Variants in IL21 observed in about 807,000 individuals in gnomAD.
IL21 encodes interleukin-21.
A neutral mutation model predicts 18.4 loss-of-function variants in IL21; 3 were observed. The observed-to-expected ratio is 0.16, with a 90% CI of 0.07 to 0.42. The LOEUF (loss-of-function observed/expected upper bound fraction) is 0.42, where lower values mean the gene tolerates loss of function less well. IL21 is among the 10% of genes least tolerant of loss of function. The probability of loss-of-function intolerance (pLI) is 0.99; values close to 1 mark genes in which losing one functional copy is unlikely to be tolerated. For synonymous variants in IL21, 37 were observed against 62.0 expected, an observed-to-expected ratio of 0.60 and a Z score of 1.90; for missense variants, 130 against 188.4, an observed-to-expected ratio of 0.69 and a Z score of 1.81.
chr4:122,618,956 G>A (rs1312522912), intron 2 of IL21: 1 of 151,522 alleles, frequency 6.6e-6, no homozygotes, highest in Non-Finnish European at 1.5e-5. Context: ...AGAATGTTTA[G>A]TACCTGGCTT....
At position 122,612,895 on chromosome 4, in the gene IL21, G is replaced by T. The variant is rs1578434817; in HGVS notation, c.394C>A (p.Pro132Thr). 1.9e-6 allele frequency: 3 copies of T among 1,611,036 alleles called. No homozygotes were observed. The highest frequency in any genetic ancestry group is 1.7e-6 in the Non-Finnish European group (2 of 1,178,162). The stretch of plus-strand genomic sequence containing the variant: ...AATCTTTCTAGGAATTCTTTGGGTG[G>T]TTTTTTCTCATAAGAATCACATGAA... ...CPSCDSYEKKPPKEFLERFKS... is the reference protein window; with the variant it reads ...CPSCDSYEKKTPKEFLERFKS... The change falls in exon 4 of 5, where the codon CCA becomes ACA. Residue 132 changes from proline (P) to threonine (T), a missense_variant. Pro to Thr is a conservative substitution (Grantham distance 38). Transcript: ENST00000648588.
intron 3 of IL21, among the ~76,000 whole-genome samples, chr4:122,614,049 A>G (rs1799302116): frequency 6.6e-6 from 1 of 152,188 alleles, no homozygotes; most frequent in African/African-American, 2.4e-5. Flanking sequence ...TAGCATCTCA[A>G]TGCCAGTGTG....
chr4:122,615,947 G>T, intron 2 of IL21, 110 bp from the exon 3 acceptor site: 1 of 878,242 alleles, frequency 1.1e-6, no homozygotes, highest in Non-Finnish European at 1.7e-6. Flanking sequence ...GCATTACATC[G>T]TTTCAACAGA....
intron 2 of IL21, chr4:122,620,086 A>C (rs1423412193): frequency 1.3e-5 from 2 of 152,258 alleles, no homozygotes; most frequent in Non-Finnish European, 2.9e-5. Context: ...TAAATGGCTT[A>C]AGAGACGGGA....
At chr4:122,615,213 C>A (rs868615524) in intron 3 of IL21, among the ~76,000 whole-genome samples, 1 of 152,014 alleles carries the variant, frequency 6.6e-6, no homozygotes, top group Admixed American at 6.6e-5. Context: ...AAAGAGTGAC[C>A]CTACTTCTTA....
At position 122,612,293 on chromosome 4, in the gene IL21, G is replaced by A. The variant is rs1288925077; in HGVS notation, c.*417C>T. Among the ~76,000 whole-genome samples, 1 of 151,708 alleles carries A rather than the reference G, an allele frequency of 6.6e-6. No individual in the cohort carries two copies. The highest frequency in any genetic ancestry group is 2.4e-5 in the African/African-American group (1 of 41,288). ...AATAAAGATGTCAACTTTTCATTTT[G>A]CTTTTATATATTTTGCTTCTATGCT... On this transcript the variant is annotated 3_prime_UTR_variant, in exon 5 of 5. Transcript: ENST00000648588.
chr4:122,612,973 C>A, intron 3 of IL21, 45 bp from the exon 4 acceptor site: 2 of 1,266,012 alleles, frequency 1.6e-6, no homozygotes, highest in Non-Finnish European at 2.2e-6. Context: ...AAATTTTTTT[C>A]GTAATAAAAT....
rs1231991877 is a variant in IL21, at chr4:122,611,097, A to G, written c.*1613T>C. 1.3e-5 allele frequency among the ~76,000 whole-genome samples: 2 copies of G among 152,220 alleles called. No homozygotes were observed. Among genetic ancestry groups the G allele is most frequent in the African/African-American group, 4.8e-5 (2 of 41,468 alleles). On this transcript the variant is annotated 3_prime_UTR_variant, in exon 5 of 5. Transcript: ENST00000648588. ...AGCTATACATTCAGAAACAAGAAAT[A>G]CAGATTCCATCTTTCTCACTATCTT...
At position 122,612,544 on chromosome 4, in the gene IL21, C is replaced by T. The variant is rs1389688583; in HGVS notation, c.*166G>A. 1 of 453,674 alleles carries T rather than the reference C, an allele frequency of 2.2e-6. No homozygotes were observed. The highest frequency in any genetic ancestry group is 3.9e-6 in the Non-Finnish European group (1 of 258,556). 28.1% of individuals were successfully genotyped at this position (453,674 alleles called of 1,614,324 possible). A position where few individuals can be genotyped will look rare whatever the true frequency, so the allele number is the denominator to read the frequency against. ...CATAGAAATCAATAACATAGGAAAT[C>T]AGACTATTGTATAGTGATTATGGGG... On this transcript the variant is annotated 3_prime_UTR_variant, in exon 5 of 5. Coordinates refer to ENST00000648588, the MANE Select transcript of IL21 (RefSeq NM_021803.4).
rs1446030653 is a variant in IL21, at chr4:122,620,701, C to T, written c.204G>A (p.Glu68=). The change falls in exon 2 of 5, where the codon GAG becomes GAA. Residue 68 remains glutamate (E), a splice_region_variant and synonymous_variant. Transcript: ENST00000648588. ...PEFLPAPEDV[E]TNCEWSAFSC... ...CAGAAATAAATTCAACTGGTCTTAC[C>T]TCTACATCTTCTGGAGCTGGCAGAA... 2.5e-6 allele frequency: 4 copies of T among 1,612,566 alleles called. No individual in the cohort carries two copies. The highest frequency in any genetic ancestry group is 1.3e-5 in the African/African-American group (1 of 74,814).
At chr4:122,618,211 C>A (rs1799366747) in intron 2 of IL21, among the ~76,000 whole-genome samples, 1 of 151,798 alleles carries the variant, frequency 6.6e-6, no homozygotes. Flanking sequence ...TCAAGTGCTG[C>A]TTTTGCCAGG....
At chr4:122,615,632 A>C (rs1161860465) in intron 3 of IL21, 50 bp downstream of exon 3, 4 of 1,538,832 alleles carry the variant, frequency 2.6e-6, no homozygotes, top group Non-Finnish European at 3.6e-6. Context: ...GTAATGCAAG[A>C]TATATAGTTT....
chr4:122,617,271 TC>T (rs1409238191), intron 2 of IL21, among the ~76,000 whole-genome samples: 1 of 152,252 alleles, frequency 6.6e-6, no homozygotes, highest in Non-Finnish European at 1.5e-5. Flanking sequence ...CACTTTTTTT[TC>T]CTTGAAAACC....
At chr4:122,619,174 C>T (rs1404278795) in intron 2 of IL21, 1 of 152,168 alleles carries the variant, frequency 6.6e-6, no homozygotes, top group African/African-American at 2.4e-5. Flanking sequence ...TATATGCATG[C>T]AACATTAGAT....
chr4:122,618,194 G>T (rs1254663522), intron 2 of IL21, among the ~76,000 whole-genome samples: 5 of 151,922 alleles, frequency 3.3e-5, no homozygotes, highest in Non-Finnish European at 7.4e-5. Context: ...TTCAGCTGAA[G>T]AACAAGTCAA....
At chr4:122,617,735 G>A (rs2150687686) in intron 2 of IL21, among the ~76,000 whole-genome samples, 1 of 152,318 alleles carries the variant, frequency 6.6e-6, no homozygotes, top group Middle Eastern at 3.4e-3. Flanking sequence ...TCTGTTAACA[G>A]ACAATGGGGT....
rs553714168 is a variant in IL21, at chr4:122,616,144, G to T, written c.205-307C>A. Among the ~76,000 whole-genome samples the T allele has an allele frequency of 2.6e-5, 4 of 152,342 alleles. No individual in the cohort carries two copies. In the East Asian group the frequency reaches 7.7e-4, roughly 29 times the overall value. On this transcript the variant is annotated intron_variant, in intron 2 of 4. Coordinates refer to ENST00000648588, the MANE Select transcript of IL21 (RefSeq NM_021803.4). ...CTTTGTGTTTTATAAAGGAGAGTTAGTTCGGTTTAGGACACATTTGCTGAG... is the reference window on the plus strand; with the variant it reads ...CTTTGTGTTTTATAAAGGAGAGTTATTTCGGTTTAGGACACATTTGCTGAG...
chr4:122,615,858 A>T (rs369186905), intron 2 of IL21, 21 bp from the exon 3 acceptor site: 6 of 1,583,256 alleles, frequency 3.8e-6, no homozygotes, highest in Non-Finnish European at 5.2e-6. Context: ...AACAATTTGT[A>T]TATATGTTAA....
chr4:122,617,865 A>G (rs1014176553), intron 2 of IL21, among the ~76,000 whole-genome samples: 50 of 152,362 alleles, frequency 3.3e-4, no homozygotes, highest in Admixed American at 3.0e-3. Context: ...GAGGAAAAGA[A>G]GTAGAGGGCT....
Sources: allele counts gnomAD v4.1 joint callset (sites outside exome capture counted in the v4.1 genomes callset), GRCh38; gene constraint gnomAD v4.1.1; transcripts MANE v1.5; gene names NCBI Gene and HGNC (gene_info 2026-07-23, HGNC 2026-07-21).